MON2: variants seen among roughly 807,000 people sequenced by gnomAD.
MON2 encodes MON2 regulator of endosome-to-Golgi trafficking, also known as protein MON2 homolog.
Under a neutral mutation model 208.6 loss-of-function variants are expected in MON2, and 84 were observed. That is an observed-to-expected ratio of 0.40 (90% CI 0.34 to 0.48). The LOEUF is 0.48. Among genes scored for constraint, MON2 ranks in the 20% least tolerant of loss-of-function variants. MON2 has a pLI of 0.59. For missense variants in MON2, 1,611 were observed against 2,015.4 expected (o/e 0.80, Z 3.84); for synonymous variants, 660 against 694.0 (o/e 0.95, Z 0.77).
chr12:62,508,011 T>C (rs2071193233), intron 7 of MON2, among the ~76,000 whole-genome samples: 1 of 152,128 alleles, frequency 6.6e-6, no homozygotes, highest in Non-Finnish European at 1.5e-5. Flanking sequence ...GCTCAAGCTA[T>C]CCTCCCACCT....
intron 24 of MON2, 53 bp downstream of exon 24, chr12:62,553,227 T>G: frequency 7.0e-7 from 1 of 1,422,430 alleles, no homozygotes. Flanking sequence ...GCTTATATAT[T>G]AATACTTTTT....
At chr12:62,569,984 C>T (rs1285052132) in intron 29 of MON2, among the ~76,000 whole-genome samples, 1 of 152,102 alleles carries the variant, frequency 6.6e-6, no homozygotes. Flanking sequence ...CAAATTTTTA[C>T]GTAACAGCAG....
At position 62,467,020 on chromosome 12, in the gene MON2, AG is replaced by A; in HGVS notation, c.-187del. On this transcript the variant is annotated 5_prime_UTR_variant, in exon 1 of 35. Transcript: ENST00000393630. ...GACTGCGGGGGGCGCCTCCGAGAAA[AG>A]CCAGAGGTGTTGCGGGGAAGCTGCT... 1.9e-6 allele frequency: 1 copy of A among 533,176 alleles called. No individual in the cohort carries two copies. The highest frequency in any genetic ancestry group is 3.2e-5 in the East Asian group (1 of 30,794). 33.0% of individuals were successfully genotyped at this position (533,176 alleles called of 1,614,324 possible).
chr12:62,537,610 CA>C lies in MON2; in HGVS notation c.2027del (p.Asn676IlefsTer5). 6.2e-7 allele frequency: 1 copy of C among 1,602,328 alleles called. No individual in the cohort carries two copies. Among genetic ancestry groups the C allele is most frequent in the Non-Finnish European group, 8.5e-7 (1 of 1,175,590 alleles). On this transcript the variant is annotated frameshift_variant, in exon 16 of 35. Coordinates refer to ENST00000393630, the MANE Select transcript of MON2 (RefSeq NM_015026.3). LOFTEE classifies it high-confidence loss of function. ...TCCTTTTTAAAATATAGCTGACTTC[CA>C]AAAATATCCAGTGTATGAGGACTTT... is the stretch of plus-strand genomic sequence containing the variant. ...QPQGTVMLTSKNIQCMRTLLN... is the reference protein window; with the variant it reads ...QPQGTVMLTSXNIQCMRTLLN...
intron 32 of MON2, among the ~76,000 whole-genome samples, chr12:62,583,529 G>T: frequency 6.6e-6 from 1 of 151,988 alleles, no homozygotes; most frequent in South Asian, 2.1e-4. Flanking sequence ...ATTAAAAATA[G>T]TCAGTATCAA....
chr12:62,512,097 C>T lies in MON2; in HGVS notation c.984+3617C>T, dbSNP rs537383737. ...ATTACCTCCCACCAGGTCCCTCCCA[C>T]AACACGTAGGAATTCAAGATGAGAT... On this transcript the variant is annotated intron_variant, in intron 8 of 34. Transcript: ENST00000393630. Among the ~76,000 whole-genome samples the T allele has an allele frequency of 2.0e-5, 3 of 152,284 alleles. No individual in the cohort carries two copies. The South Asian group carries it at 6.2e-4, about 32-fold the overall frequency.
At chr12:62,478,088 A>C (rs1179387226) in intron 1 of MON2, among the ~76,000 whole-genome samples, 2 of 151,870 alleles carry the variant, frequency 1.3e-5, no homozygotes, top group Non-Finnish European at 2.9e-5. Context: ...TCCCCTTTTT[A>C]AGTGAGTTAG....
intron 25 of MON2, among the ~76,000 whole-genome samples, chr12:62,556,970 A>G (rs896704335): frequency 6.6e-6 from 1 of 152,180 alleles, no homozygotes; most frequent in Non-Finnish European, 1.5e-5. Context: ...CTGCAATCCC[A>G]GCTACTTGGG....
At chr12:62,561,240 A>G (rs867719937) in intron 26 of MON2, 127 bp downstream of exon 26, 2 of 728,324 alleles carry the variant, frequency 2.7e-6, no homozygotes, top group South Asian at 5.3e-5. Context: ...TTTGGGATAA[A>G]CTGAGGATTG....
chr12:62,537,770 C>A, intron 16 of MON2, 64 bp downstream of exon 16: 2 of 1,215,364 alleles, frequency 1.6e-6, no homozygotes, highest in Non-Finnish European at 2.4e-6. Flanking sequence ...AACAGTTAGA[C>A]TAAGCAATGT....
intron 7 of MON2, among the ~76,000 whole-genome samples, chr12:62,506,288 G>A (rs959901613): frequency 1.4e-4 from 22 of 152,254 alleles, no homozygotes; most frequent in Admixed American, 7.2e-4. Context: ...GAATGAAAAA[G>A]TATATTAAAA....
chr12:62,541,542 A>G (rs922978121), intron 19 of MON2, among the ~76,000 whole-genome samples: 2 of 152,284 alleles, frequency 1.3e-5, no homozygotes, highest in Admixed American at 6.5e-5. Context: ...ATTTAAAACA[A>G]CTCTGTGAGA....
At chr12:62,498,781 C>A in intron 4 of MON2, 138 bp from the exon 5 acceptor site, 1 of 879,364 alleles carries the variant, frequency 1.1e-6, no homozygotes, top group East Asian at 3.1e-5. Flanking sequence ...ACATCAAAAT[C>A]TGAGGATTTT....
rs917344120 is a variant in MON2, at chr12:62,599,888, T to A, written c.*7139T>A. On this transcript the variant is annotated 3_prime_UTR_variant, in exon 35 of 35. Coordinates refer to ENST00000393630, the MANE Select transcript of MON2 (RefSeq NM_015026.3). Reference sequence around the variant, plus strand: ...AATACTGTGAAAAAAAGATTTGTCTTAACGATGACCTTGAAAGTTGCATTG... The same window carrying A: ...AATACTGTGAAAAAAAGATTTGTCTAAACGATGACCTTGAAAGTTGCATTG... 3.3e-5 allele frequency: 5 copies of A among 152,266 alleles called. No individual in the cohort carries two copies. The highest frequency in any genetic ancestry group is 1.3e-4 in the Admixed American group (2 of 15,288). The allele number at this position is 152,266 out of a possible 1,614,324, so 9.4% of individuals were successfully genotyped here.
At chr12:62,526,842 C>T (rs1365967980) in intron 11 of MON2, among the ~76,000 whole-genome samples, 1 of 151,978 alleles carries the variant, frequency 6.6e-6, no homozygotes, top group Non-Finnish European at 1.5e-5. Context: ...TAAAACTATC[C>T]TTGGCCAGGT....
chr12:62,579,276 A>G (rs2074911483), intron 31 of MON2, among the ~76,000 whole-genome samples: 1 of 152,076 alleles, frequency 6.6e-6, no homozygotes, highest in Non-Finnish European at 1.5e-5. Context: ...TAAGTAAAAA[A>G]GTAAGAAATA....
intron 8 of MON2, among the ~76,000 whole-genome samples, chr12:62,509,891 G>A (rs2071305838): frequency 6.7e-6 from 1 of 149,972 alleles, no homozygotes; most frequent in East Asian, 2.0e-4. Flanking sequence ...TTTTTGAAAA[G>A]ATTAAGAAAA....
At chr12:62,510,822 G>A (rs553432285) in intron 8 of MON2, among the ~76,000 whole-genome samples, 4 of 152,224 alleles carry the variant, frequency 2.6e-5, no homozygotes, top group South Asian at 2.1e-4. Context: ...GAAATAAAAG[G>A]CATCCACATT....
chr12:62,599,193 TAATA>T lies in MON2; in HGVS notation c.*6447_*6450del, dbSNP rs1208954691. ...ACCATTAATATATAAAATGAAAAAA[TAATA>T]AACAGAAGACACGAAGTGTCTCTCA... On this transcript the variant is annotated 3_prime_UTR_variant, in exon 35 of 35. Transcript: ENST00000393630. The T allele has an allele frequency of 1.3e-5, 2 of 152,036 alleles. No homozygotes were observed. Among genetic ancestry groups the T allele is most frequent in the African/African-American group, 2.4e-5 (1 of 41,424 alleles). The allele number at this position is 152,036 out of a possible 1,614,324, so 9.4% of individuals were successfully genotyped here.
Sources: allele counts gnomAD v4.1 joint callset (sites outside exome capture counted in the v4.1 genomes callset), GRCh38; gene constraint gnomAD v4.1.1; transcripts MANE v1.5; gene names NCBI Gene and HGNC (gene_info 2026-07-23, HGNC 2026-07-21).